Variants in OPA1 observed in about 807,000 individuals in gnomAD.
The protein encoded by OPA1 is dynamin-like GTPase OPA1, mitochondrial.
Under a neutral mutation model 152.9 loss-of-function variants are expected in OPA1, and 59 were observed. That is an observed-to-expected ratio of 0.39 (90% CI 0.31 to 0.48). The LOEUF (loss-of-function observed/expected upper bound fraction) is 0.48. OPA1 is among the 20% of genes least tolerant of loss of function. The pLI is 0.96. For synonymous variants in OPA1, 400 were observed against 389.9 expected (o/e 1.03, Z -0.31); for missense variants, 1,008 against 1,216.8 (o/e 0.83, Z 2.55).
intron 26 of OPA1, among the ~76,000 whole-genome samples, chr3:193,663,376 G>GA (rs998052672): frequency 1.6e-4 from 25 of 152,130 alleles, no homozygotes; most frequent in East Asian, 3.9e-4. Context: ...AGTGGATTCA[G>GA]AAAAAATAAA....
At chr3:193,610,330 A>G (rs1728001898) in intron 1 of OPA1, among the ~76,000 whole-genome samples, 1 of 152,224 alleles carries the variant, frequency 6.6e-6, no homozygotes, top group South Asian at 2.1e-4. Flanking sequence ...GGGTATCAGC[A>G]GCGGAGGCTG....
chr3:193,607,636 G>A (rs1727497868), intron 1 of OPA1, among the ~76,000 whole-genome samples: 1 of 152,128 alleles, frequency 6.6e-6, no homozygotes, highest in African/African-American at 2.4e-5. Flanking sequence ...CTCTGTTTTG[G>A]TACCAGTACC....
At chr3:193,646,307 G>A (rs945126954) in intron 18 of OPA1, among the ~76,000 whole-genome samples, 4 of 152,140 alleles carry the variant, frequency 2.6e-5, no homozygotes, top group East Asian at 1.9e-4. Context: ...AGGTTAGTAC[G>A]GTAAGTCAAG....
At position 193,658,971 on chromosome 3, in the gene OPA1, G is replaced by A. The variant is rs376321869; in HGVS notation, c.2416G>A (p.Ala806Thr). 9.3e-6 allele frequency: 15 copies of A among 1,613,108 alleles called. No homozygotes were observed. Among genetic ancestry groups the A allele is most frequent in the Non-Finnish European group, 1.3e-5 (15 of 1,179,252 alleles). ...WDAAIYFMEE[A>T]LQARLKDTEN... is the part of the protein sequence containing the mutation. Reference sequence around the variant, plus strand: ...TGCAGCTATTTATTTTATGGAAGAGGCTCTGCAGGCTCGTCTCAAGGATAG... The same window carrying A: ...TGCAGCTATTTATTTTATGGAAGAGACTCTGCAGGCTCGTCTCAAGGATAG... Residue 806 changes from alanine to threonine, a missense_variant, in exon 24 of 31, where the codon GCT (alanine) becomes ACT (threonine). Ala to Thr is a moderately conservative substitution (Grantham distance 58, BLOSUM62 0). Coordinates refer to ENST00000361510, the MANE Select transcript of OPA1 (RefSeq NM_130837.3).
At chr3:193,662,790 C>A (rs200324109) in intron 25 of OPA1, 32 bp from the exon 26 acceptor site, 32 of 1,599,180 alleles carry the variant, frequency 2.0e-5, no homozygotes, top group Non-Finnish European at 1.8e-5. Context: ...TATGAACCAT[C>A]TAAACACAGT....
intron 24 of OPA1, among the ~76,000 whole-genome samples, chr3:193,659,224 A>G (rs1714636066): frequency 6.6e-6 from 1 of 152,360 alleles, no homozygotes; most frequent in Middle Eastern, 3.4e-3. Context: ...ATAAAGCTAT[A>G]ATGCAGAATA....
chr3:193,646,760 A>G (rs537320794), intron 18 of OPA1, among the ~76,000 whole-genome samples: 4 of 152,186 alleles, frequency 2.6e-5, no homozygotes, highest in Admixed American at 1.3e-4. Context: ...ACGACAGTGC[A>G]AGATTCCAAT....
intron 1 of OPA1, chr3:193,596,825 C>G (rs996802863): frequency 3.9e-5 from 6 of 152,128 alleles, no homozygotes; most frequent in Admixed American, 3.9e-4. Context: ...TGAATGGTCT[C>G]GCTCCAAGTG....
At chr3:193,675,377 G>A (rs992274776) in intron 29 of OPA1, among the ~76,000 whole-genome samples, 1 of 151,118 alleles carries the variant, frequency 6.6e-6, no homozygotes, top group Admixed American at 6.6e-5. Context: ...ATAGAGCAGG[G>A]TGTCCCGAAG....
chr3:193,622,685 AGT>A (rs1730359288), intron 6 of OPA1, among the ~76,000 whole-genome samples: 1 of 152,088 alleles, frequency 6.6e-6, no homozygotes, highest in Non-Finnish European at 1.5e-5. Flanking sequence ...TATTCTTCTG[AGT>A]GTTTAAAACA....
chr3:193,652,963 G>A (rs1424262946), intron 21 of OPA1, among the ~76,000 whole-genome samples: 1 of 152,138 alleles, frequency 6.6e-6, no homozygotes, highest in Non-Finnish European at 1.5e-5. Flanking sequence ...AGACTCCAGG[G>A]AAAAATAACA....
intron 25 of OPA1, among the ~76,000 whole-genome samples, chr3:193,659,990 C>CA (rs974525597): frequency 2.7e-4 from 41 of 151,434 alleles, no homozygotes; most frequent in African/African-American, 9.2e-4. Context: ...TACTAAAAGT[C>CA]AAAAAAAATT....
At position 193,643,658 on chromosome 3, in the gene OPA1, GAT is replaced by G. The variant is rs1003439853; in HGVS notation, c.1477+34_1477+35del. Reference sequence around the variant, plus strand: ...TCATATCAAAAGATTTTAATGTACTGATATGTTTTCTTCTTTAGCAATCCAAG... The same window carrying G: ...TCATATCAAAAGATTTTAATGTACTGATGTTTTCTTCTTTAGCAATCCAAG... On this transcript the variant is annotated intron_variant, in intron 15 of 30. Transcript: ENST00000361510. 5.8e-6 allele frequency: 9 copies of G among 1,541,698 alleles called. No individual in the cohort carries two copies. In the Admixed American group the frequency reaches 8.4e-5, roughly 14 times the overall value.
chr3:193,643,733 T>A, intron 15 of OPA1, 106 bp downstream of exon 15: 1 of 1,068,186 alleles, frequency 9.4e-7, no homozygotes, highest in East Asian at 2.6e-5. Context: ...GATAAATGCA[T>A]TTTTGCCTTC....
intron 30 of OPA1, among the ~76,000 whole-genome samples, chr3:193,693,771 A>G (rs1721980674): frequency 6.6e-6 from 1 of 152,236 alleles, no homozygotes; most frequent in Admixed American, 6.5e-5. Flanking sequence ...TTTGTGTATG[A>G]ATATTTTATT....
intron 29 of OPA1, chr3:193,668,924 A>G (rs1443151397): frequency 5.3e-6 from 5 of 951,244 alleles, no homozygotes; most frequent in Non-Finnish European, 6.3e-6. Context: ...AAATACCTGT[A>G]GTTGGTACCT....
chr3:193,668,901 T>C, intron 29 of OPA1: 1 of 1,010,720 alleles, frequency 9.9e-7, no homozygotes, highest in Non-Finnish European at 1.2e-6. Flanking sequence ...ATTATTGTTA[T>C]TAAATAAAAA....
chr3:193,624,816 T>A (rs1324778699), intron 6 of OPA1, among the ~76,000 whole-genome samples: 1 of 152,134 alleles, frequency 6.6e-6, no homozygotes, highest in Non-Finnish European at 1.5e-5. Flanking sequence ...AGAATAAAAA[T>A]TCTCCAAGTT....
At chr3:193,658,471 AT>A (rs964164474) in intron 23 of OPA1, among the ~76,000 whole-genome samples, 1 of 152,044 alleles carries the variant, frequency 6.6e-6, no homozygotes, top group African/African-American at 2.4e-5. Context: ...ATGGTTAATA[AT>A]TTTTTTCTCC....
Sources: allele counts gnomAD v4.1 joint callset (sites outside exome capture counted in the v4.1 genomes callset), GRCh38; gene constraint gnomAD v4.1.1; transcripts MANE v1.5; gene names NCBI Gene and HGNC (gene_info 2026-07-23, HGNC 2026-07-21).